Variants in FYN observed in about 807,000 individuals in gnomAD.
FYN encodes the protein tyrosine-protein kinase Fyn.
A neutral mutation model predicts 70.2 loss-of-function variants in FYN; 10 were observed. That is an observed-to-expected ratio of 0.14 (90% confidence interval 0.09 to 0.24). The LOEUF is 0.24. Among genes scored for constraint, FYN ranks in the 10% least tolerant of loss-of-function variants. FYN has a pLI of 1.00. For missense variants in FYN, 319 were observed against 673.1 expected (o/e 0.47, Z 5.82); for synonymous variants, 236 against 248.6 (o/e 0.95, Z 0.48).
rs1340426946 is a variant in FYN at position 111,688,622 on chromosome 6, CGCAGCGTGTGTGTGCTCAT to C, written c.1273+5734_1273+5752del. 1.8e-3 allele frequency among the ~76,000 whole-genome samples: 278 copies of C among 152,302 alleles called. 6 individuals are homozygous for C. In the South Asian group the frequency reaches 0.037, roughly 20 times the overall value. On this transcript the variant is annotated intron_variant, in intron 12 of 13. Coordinates refer to ENST00000354650, the MANE Select transcript of FYN (RefSeq NM_002037.5). ...GGGAGAACTGCTCCAGCCGTGCCCACGCAGCGTGTGTGTGCTCATGCAGCGTGTGTGTGCTCATGTGTGC... is the reference window on the plus strand; with the variant it reads ...GGGAGAACTGCTCCAGCCGTGCCCACGCAGCGTGTGTGTGCTCATGTGTGC...
intron 9 of FYN, among the ~76,000 whole-genome samples, chr6:111,699,211 T>C (rs809193): frequency 0.39 from 59,369 of 152,090 alleles, 16,396 homozygotes; most frequent in African/African-American, 0.78. Context: ...GAGCAAAACG[T>C]CCATGGTCTT....
chr6:111,712,190 C>T (rs761697460), intron 5 of FYN, among the ~76,000 whole-genome samples: 2 of 152,206 alleles, frequency 1.3e-5, no homozygotes, highest in African/African-American at 2.4e-5. Context: ...AATGCACAGA[C>T]GCACGTGCAG....
chr6:111,779,491 G>A (rs1264299705), intron 3 of FYN, among the ~76,000 whole-genome samples: 1 of 152,172 alleles, frequency 6.6e-6, no homozygotes, highest in Non-Finnish European at 1.5e-5. Flanking sequence ...CCTCATAAAT[G>A]TGATTCAAAA....
At chr6:111,731,072 T>C (rs1273237564) in intron 3 of FYN, among the ~76,000 whole-genome samples, 5 of 152,134 alleles carry the variant, frequency 3.3e-5, no homozygotes, top group Non-Finnish European at 4.4e-5. Context: ...TGAATAGGCG[T>C]CATCAATGCC....
chr6:111,799,781 C>T (rs1771925447), intron 2 of FYN, among the ~76,000 whole-genome samples: 1 of 152,192 alleles, frequency 6.6e-6, no homozygotes, highest in Non-Finnish European at 1.5e-5. Context: ...GTCTGTGAGG[C>T]TGTCACTTGT....
chr6:111,871,219 G>A (rs755898124), intron 1 of FYN, among the ~76,000 whole-genome samples: 8 of 152,136 alleles, frequency 5.3e-5, no homozygotes, highest in Non-Finnish European at 7.3e-5. Context: ...TTCCTTAAAG[G>A]GAACATCAAA....
intron 12 of FYN, among the ~76,000 whole-genome samples, chr6:111,686,808 CG>C (rs1174751402): frequency 6.6e-6 from 1 of 152,164 alleles, no homozygotes; most frequent in Admixed American, 6.5e-5. Flanking sequence ...GATCTGCCAC[CG>C]GATTACAGGG....
intron 5 of FYN, among the ~76,000 whole-genome samples, chr6:111,712,672 T>C (rs961813954): frequency 7.9e-5 from 12 of 152,322 alleles, no homozygotes; most frequent in African/African-American, 2.9e-4. Context: ...TGCATGAGAA[T>C]GTTTGTAACT....
chr6:111,692,714 A>T (rs1799390697), intron 12 of FYN, among the ~76,000 whole-genome samples: 1 of 152,196 alleles, frequency 6.6e-6, no homozygotes, highest in African/African-American at 2.4e-5. Flanking sequence ...CCTTAATCAA[A>T]TATTCATGTC....
chr6:111,870,447 C>T (rs1013783819), intron 1 of FYN, among the ~76,000 whole-genome samples: 7 of 152,192 alleles, frequency 4.6e-5, no homozygotes, highest in African/African-American at 9.7e-5. Context: ...CTATTTGTTA[C>T]ACCTGCTAAC....
intron 3 of FYN, among the ~76,000 whole-genome samples, chr6:111,728,841 A>G (rs1273334363): frequency 2.0e-5 from 3 of 152,156 alleles, no homozygotes; most frequent in Non-Finnish European, 4.4e-5. Context: ...TATGTTTTCA[A>G]CTCTCTTAGA....
chr6:111,793,997 T>A (rs928914962), intron 2 of FYN: 3 of 152,064 alleles, frequency 2.0e-5, no homozygotes, highest in African/African-American at 7.3e-5. Flanking sequence ...CGGCTTGCAT[T>A]CTGGGTTGCG....
At chr6:111,758,561 G>GA (rs1329972792) in intron 3 of FYN, among the ~76,000 whole-genome samples, 1 of 152,208 alleles carries the variant, frequency 6.6e-6, no homozygotes, top group African/African-American at 2.4e-5. Flanking sequence ...TCATGGCAGT[G>GA]AAAATACCCA....
intron 2 of FYN, among the ~76,000 whole-genome samples, chr6:111,807,743 A>G (rs559137847): frequency 1.3e-5 from 2 of 152,226 alleles, no homozygotes; most frequent in South Asian, 2.1e-4. Flanking sequence ...CTGCATTTTC[A>G]TAACTTCCCC....
At chr6:111,796,624 T>C (rs1014097653) in intron 2 of FYN, among the ~76,000 whole-genome samples, 9 of 152,186 alleles carry the variant, frequency 5.9e-5, no homozygotes, top group African/African-American at 2.2e-4. Flanking sequence ...ATGCATACTT[T>C]TTATCATACA....
chr6:111,789,231 T>C (rs1368028204), intron 2 of FYN, among the ~76,000 whole-genome samples: 1 of 152,174 alleles, frequency 6.6e-6, no homozygotes, highest in Non-Finnish European at 1.5e-5. Context: ...GGCACCAATA[T>C]AAGCTCATGC....
At chr6:111,854,032 G>T (rs1773757747) in intron 1 of FYN, among the ~76,000 whole-genome samples, 1 of 152,200 alleles carries the variant, frequency 6.6e-6, no homozygotes, top group South Asian at 2.1e-4. Context: ...GTCTGCAAAA[G>T]TGCTGGTTTA....
intron 3 of FYN, among the ~76,000 whole-genome samples, chr6:111,721,857 A>G (rs1800960909): frequency 2.0e-5 from 3 of 152,238 alleles, no homozygotes. Flanking sequence ...CAGGTAGAAC[A>G]GGCCAGTGGA....
At chr6:111,723,749 T>C (rs1053163901) in intron 3 of FYN, among the ~76,000 whole-genome samples, 1 of 152,224 alleles carries the variant, frequency 6.6e-6, no homozygotes, top group African/African-American at 2.4e-5. Flanking sequence ...AAAAGTATCC[T>C]TTATTATGCA....
Sources: gnomAD v4.1 joint callset for allele counts (sites outside exome capture counted in the v4.1 genomes callset) on GRCh38, gnomAD v4.1.1 for gene constraint, MANE v1.5 for transcripts, NCBI Gene and HGNC (gene_info 2026-07-23, HGNC 2026-07-21) for gene names.